Variants in KCNN3 observed in about 807,000 individuals in gnomAD.
The protein encoded by KCNN3 is small conductance calcium-activated potassium channel protein 3.
In KCNN3, 16 loss-of-function variants were observed where a neutral mutation model predicts 62.9. The ratio of observed to expected loss-of-function variants is 0.25; its 90% CI spans 0.17 to 0.39. KCNN3 has a LOEUF of 0.39. Ranked by LOEUF, KCNN3 falls within the 10% of genes least tolerant of loss-of-function variation. The pLI, the probability that KCNN3 is intolerant of heterozygous loss-of-function variation, is 1.00. For missense variants in KCNN3, 599 were observed against 949.4 expected, an observed-to-expected ratio of 0.63 and a Z score of 4.85; for synonymous variants, 370 against 389.2, an observed-to-expected ratio of 0.95 and a Z score of 0.58.
At chr1:154,717,212 AAC>A (rs1293612845) in intron 5 of KCNN3, among the ~76,000 whole-genome samples, 25 of 152,230 alleles carry the variant, frequency 1.6e-4, no homozygotes, top group African/African-American at 5.3e-4. Context: ...GGGAGGTGCT[AAC>A]ATTATCCACA....
chr1:154,836,267 C>A (rs1651579324), intron 1 of KCNN3, among the ~76,000 whole-genome samples: 1 of 152,180 alleles, frequency 6.6e-6, no homozygotes, highest in Non-Finnish European at 1.5e-5. Context: ...CCACAGTACC[C>A]CTGGGTCCCT....
chr1:154,758,186 T>C (rs1437986845), intron 3 of KCNN3, among the ~76,000 whole-genome samples: 1 of 152,134 alleles, frequency 6.6e-6, no homozygotes. Flanking sequence ...TCTTTTAAAG[T>C]AGTGTCCCAG....
At chr1:154,814,153 C>T (rs532976946) in intron 2 of KCNN3, among the ~76,000 whole-genome samples, 10 of 152,244 alleles carry the variant, frequency 6.6e-5, no homozygotes, top group Admixed American at 2.0e-4. Flanking sequence ...GCAGAAAGCA[C>T]GGGCCAGATG....
At chr1:154,771,710 G>A (rs561222853) in intron 3 of KCNN3, among the ~76,000 whole-genome samples, 49 of 152,338 alleles carry the variant, frequency 3.2e-4, no homozygotes, top group African/African-American at 1.1e-3. Flanking sequence ...TAACCAGAAT[G>A]CTTTGATATA....
rs113810446 is a variant in KCNN3, at chr1:154,698,202, A to C, written c.*9774T>G. Reference sequence around the variant, plus strand: ...GCACCTAATTTGCATTTTTATTATTATTATTATTTACCTAGAACTACAGAA... The same window carrying C: ...GCACCTAATTTGCATTTTTATTATTCTTATTATTTACCTAGAACTACAGAA... On this transcript the variant is annotated 3_prime_UTR_variant, in exon 8 of 8. Transcript: ENST00000271915. The C allele has an allele frequency of 6.6e-6, 1 of 152,132 alleles. No homozygotes were observed. The highest frequency in any genetic ancestry group is 1.5e-5 in the Non-Finnish European group (1 of 68,004). The allele number at this position is 152,132 out of a possible 1,614,324, so 9.4% of individuals were successfully genotyped here. A position where few individuals can be genotyped will look rare whatever the true frequency, so the allele number is the denominator to read the frequency against.
chr1:154,835,077 C>T (rs898126789), intron 1 of KCNN3, among the ~76,000 whole-genome samples: 22 of 152,192 alleles, frequency 1.4e-4, no homozygotes, highest in Non-Finnish European at 2.8e-4. Flanking sequence ...GACACCATCA[C>T]CATCTTTAAC....
At chr1:154,754,335 G>T (rs75067292) in intron 3 of KCNN3, among the ~76,000 whole-genome samples, 1,558 of 152,192 alleles carry the variant, frequency 0.01, 26 homozygotes, top group African/African-American at 0.036. Context: ...ATAGAGCTTG[G>T]TGCCTAAATA....
At chr1:154,780,469 C>G (rs1414893036) in intron 2 of KCNN3, among the ~76,000 whole-genome samples, 1 of 150,136 alleles carries the variant, frequency 6.7e-6, no homozygotes, top group African/African-American at 2.4e-5. Flanking sequence ...GTGTACTGTT[C>G]TCTCTCTGTG....
At chr1:154,720,849 G>A (rs1700330426) in intron 5 of KCNN3, among the ~76,000 whole-genome samples, 1 of 152,166 alleles carries the variant, frequency 6.6e-6, no homozygotes, top group East Asian at 1.9e-4. Flanking sequence ...TTCAAGAGTG[G>A]CGGGGCCGAG....
intron 3 of KCNN3, chr1:154,737,161 C>G: frequency 4.4e-6 from 2 of 452,624 alleles, no homozygotes; most frequent in Non-Finnish European, 8.5e-6. Flanking sequence ...ACACATGTCA[C>G]AAACTCACAT....
At chr1:154,774,974 C>T (rs890554188) in intron 2 of KCNN3, among the ~76,000 whole-genome samples, 1 of 152,248 alleles carries the variant, frequency 6.6e-6, no homozygotes, top group African/African-American at 2.4e-5. Flanking sequence ...GAAATACACC[C>T]TCAGCACAGA....
intron 1 of KCNN3, chr1:154,867,886 T>C (rs918240375): frequency 3.2e-6 from 3 of 943,642 alleles, no homozygotes; most frequent in Non-Finnish European, 2.5e-6. Context: ...TTCCCAGGTC[T>C]CCAAGCCTTC....
At chr1:154,820,130 A>G (rs1482635112) in intron 2 of KCNN3, among the ~76,000 whole-genome samples, 1 of 152,210 alleles carries the variant, frequency 6.6e-6, no homozygotes, top group Non-Finnish European at 1.5e-5. Context: ...GACATGGGAC[A>G]ATGGGTACCC....
chr1:154,708,090 C>G lies in KCNN3; in HGVS notation c.2082G>C (p.Glu694Asp). 3.1e-6 allele frequency: 5 copies of G among 1,613,944 alleles called. No individual in the cohort carries two copies. The highest frequency in any genetic ancestry group is 1.3e-5 in the African/African-American group (1 of 75,038). The change falls in exon 8 of 8, where the codon GAG (glutamate) becomes GAC (aspartate). Residue 694 changes from glutamate (E) to aspartate (D), a missense_variant. Glu to Asp is a conservative substitution (Grantham distance 45). This residue lies in a region of KCNN3 where 52 missense variants were observed against 53.3 expected (regional missense o/e 0.98). Coordinates refer to ENST00000271915, the MANE Select transcript of KCNN3 (RefSeq NM_002249.6). The part of the protein sequence containing the change: ...QQQQLLSAII[E>D]ARGVSVAVGT... Reference sequence around the variant, plus strand: ...CCACTGCCACGCTGACACCCCGGGCCTCGATGATGGCAGACAGGAGCTGCT... The same window carrying G: ...CCACTGCCACGCTGACACCCCGGGCGTCGATGATGGCAGACAGGAGCTGCT...
chr1:154,865,191 T>C (rs1652906317), intron 1 of KCNN3, among the ~76,000 whole-genome samples: 1 of 151,986 alleles, frequency 6.6e-6, no homozygotes, highest in African/African-American at 2.4e-5. Context: ...CCAAACCAGC[T>C]CTAAAAGAAA....
rs865824545 is a variant in KCNN3 at position 154,703,494 on chromosome 1, T to G, written c.*4482A>C. 6.6e-6 allele frequency: 1 copy of G among 152,218 alleles called. No homozygotes were observed. Among genetic ancestry groups the G allele is most frequent in the Non-Finnish European group, 1.5e-5 (1 of 68,050 alleles). 9.4% of individuals were successfully genotyped at this position (152,218 alleles called of 1,614,324 possible). ...CAACTCTTAGGGGAAGAAGAATGAA[T>G]GTAGAAAACTGGGGACATATTTTAG... is the stretch of plus-strand genomic sequence containing the variant. On this transcript the variant is annotated 3_prime_UTR_variant, in exon 8 of 8. Transcript: ENST00000271915.
At chr1:154,748,597 G>A (rs941750644) in intron 3 of KCNN3, among the ~76,000 whole-genome samples, 1 of 152,184 alleles carries the variant, frequency 6.6e-6, no homozygotes, top group African/African-American at 2.4e-5. Context: ...GTGGGCCAAA[G>A]CTTTATGCGC....
intron 3 of KCNN3, among the ~76,000 whole-genome samples, chr1:154,752,608 G>A (rs78842715): frequency 1.4e-3 from 215 of 152,298 alleles, no homozygotes; most frequent in Admixed American, 2.2e-3. Flanking sequence ...AGAGTGCTGG[G>A]CCACAGAGGA....
chr1:154,798,915 CATTTT>C (rs1388884055), intron 2 of KCNN3, among the ~76,000 whole-genome samples: 121 of 96,538 alleles, frequency 1.3e-3, no homozygotes, highest in African/African-American at 4.0e-3. Flanking sequence ...ACACTTATTG[CATTTT>C]TTTTTTTTTT....
Sources: gnomAD v4.1 joint callset for allele counts (sites outside exome capture counted in the v4.1 genomes callset) on GRCh38, gnomAD v4.1.1 for gene constraint, gnomAD v4.1.1 regional missense constraint, MANE v1.5 for transcripts, NCBI Gene and HGNC (gene_info 2026-07-23, HGNC 2026-07-21) for gene names.